Variants in TRAP1 observed in about 807,000 individuals in gnomAD.
The protein encoded by TRAP1 is heat shock protein 75 kDa, mitochondrial.
In TRAP1, 102 loss-of-function variants were observed where a neutral mutation model predicts 89.1. The observed-to-expected ratio is 1.15, with a 90% confidence interval of 0.98 to 1.35. The LOEUF is 1.35. Among genes scored for constraint, TRAP1 ranks in the 40% most tolerant of loss-of-function variants. TRAP1 has a pLI of 0.00. For missense variants in TRAP1, 1,256 were observed against 945.3 expected (o/e 1.33, Z -4.31); for synonymous variants, 508 against 388.0 (o/e 1.31, Z -3.64).
At chr16:3,670,817 G>A (rs769901882) in intron 11 of TRAP1, among the ~76,000 whole-genome samples, 34 of 152,118 alleles carry the variant, frequency 2.2e-4, no homozygotes, top group Non-Finnish European at 4.0e-4. Flanking sequence ...ATGTGACCTC[G>A]CAGGGCTGGG....
In TRAP1 at chr16:3,690,982, T is replaced by C. The variant is rs2151270306; in HGVS notation, c.92A>G (p.Lys31Arg). The C allele has an allele frequency of 6.7e-7, 1 of 1,494,216 alleles. No individual in the cohort carries two copies. The highest frequency in any genetic ancestry group is 8.9e-7 in the Non-Finnish European group (1 of 1,120,350). 92.6% of individuals were successfully genotyped at this position (1,494,216 alleles called of 1,614,324 possible). A position where few individuals can be genotyped will look rare whatever the true frequency, so the allele number is the denominator to read the frequency against. Reference protein sequence around the residue: ...APALAAVPGGKPILCPRRTTA... With the variant: ...APALAAVPGGRPILCPRRTTA... ...GGTCCTCCGAGGACACAGAATTGGT[T>C]TTCCTGAAAAGACAAATATGCAGAA... Residue 31 changes from lysine (K) to arginine (R), a missense_variant, in exon 2 of 18, where the codon AAA becomes AGA. Coordinates refer to ENST00000246957, the MANE Select transcript of TRAP1 (RefSeq NM_016292.3).
intron 1 of TRAP1, among the ~76,000 whole-genome samples, chr16:3,697,939 C>T (rs1028372947): frequency 6.6e-6 from 1 of 151,642 alleles, no homozygotes; most frequent in African/African-American, 2.4e-5. Flanking sequence ...CAGGTGTGCA[C>T]CACCATGCCC....
chr16:3,705,104 G>A (rs1036062808), intron 1 of TRAP1, among the ~76,000 whole-genome samples: 51 of 151,876 alleles, frequency 3.4e-4, no homozygotes, highest in African/African-American at 1.1e-3. Context: ...TCGCTCTGTC[G>A]CCCAGGCTGG....
intron 1 of TRAP1, among the ~76,000 whole-genome samples, chr16:3,701,613 C>T (rs537475580): frequency 4.7e-5 from 7 of 150,472 alleles, no homozygotes; most frequent in East Asian, 1.9e-4. Context: ...AAGATATGAA[C>T]GGCATTTCAC....
chr16:3,711,032 G>GAA (rs147569014), intron 1 of TRAP1, among the ~76,000 whole-genome samples: 89 of 133,884 alleles, frequency 6.6e-4, no homozygotes, highest in East Asian at 2.2e-3. Flanking sequence ...CAGCTAATTG[G>GAA]AAAAAAAAAA....
chr16:3,675,713 G>A (rs1387924940), intron 7 of TRAP1, among the ~76,000 whole-genome samples: 2 of 152,200 alleles, frequency 1.3e-5, no homozygotes, highest in African/African-American at 2.4e-5. Context: ...GTGTCCAGCA[G>A]GACACAAAGA....
At chr16:3,703,053 A>AGGG (rs2051390435) in intron 1 of TRAP1, among the ~76,000 whole-genome samples, 1 of 148,084 alleles carries the variant, frequency 6.8e-6, no homozygotes, top group South Asian at 2.1e-4. Context: ...GAAAAAAAAA[A>AGGG]AAAAAAAAAA....
At position 3,675,316 on chromosome 16, in the gene TRAP1, G is replaced by C. The variant is rs373967733; in HGVS notation, c.888+8C>G. Reference sequence around the variant, plus strand: ...TTTGACCAGTCCCTAGAGGAACTCAGGGCTCACCTGCAAGGTGTTCATCCG... The same window carrying C: ...TTTGACCAGTCCCTAGAGGAACTCACGGCTCACCTGCAAGGTGTTCATCCG... On this transcript the variant is annotated splice_region_variant and intron_variant, in intron 8 of 17. Coordinates refer to ENST00000246957, the MANE Select transcript of TRAP1 (RefSeq NM_016292.3). The C allele has an allele frequency of 4.0e-4, 646 of 1,613,868 alleles. 12 individuals are homozygous for C. In the South Asian group the frequency reaches 6.2e-3, roughly 16 times the overall value.
chr16:3,658,269 G>A (rs1306016649), intron 17 of TRAP1, 39 bp from the exon 18 acceptor site: 3 of 1,513,748 alleles, frequency 2.0e-6, no homozygotes, highest in Non-Finnish European at 2.7e-6. Flanking sequence ...GAGGGGCATG[G>A]GGCACCTTTT....
intron 15 of TRAP1, 200 bp from the exon 16 acceptor site, chr16:3,662,332 C>T: frequency 1.5e-6 from 1 of 674,944 alleles, no homozygotes. Flanking sequence ...AGATACTGTG[C>T]CCGAGGGGCT....
chr16:3,677,554 C>T lies in TRAP1; in HGVS notation c.648G>A (p.Glu216=). 1 of 1,614,206 alleles carries T rather than the reference C, an allele frequency of 6.2e-7. No individual in the cohort carries two copies. The highest frequency in any genetic ancestry group is 8.5e-7 in the Non-Finnish European group (1 of 1,180,040). ...YSAFMVADRV[E]VYSRSAAPGS... ...CCGGGGCTGCCGAGCGGGAATAGAC[C>T]TCCACTCTGTCAGCCACCATGAAAG... The change falls in exon 6 of 18, where the codon GAG becomes GAA. Residue 216 remains glutamate (E), a synonymous_variant. Transcript: ENST00000246957.
intron 5 of TRAP1, 125 bp downstream of exon 5, chr16:3,679,594 G>T (rs1332836808): frequency 1.1e-6 from 1 of 925,882 alleles, no homozygotes; most frequent in Non-Finnish European, 1.7e-6. Context: ...TGTTCCCACA[G>T]TACCCACTGC....
Position 3,659,213 on chromosome 16 carries a change from C to G in TRAP1, c.1941-348G>C, listed in dbSNP as rs1034558366. On this transcript the variant is annotated intron_variant, in intron 16 of 17. Transcript: ENST00000246957. ...ACATGTTGAAACATATTATAGGGCT[C>G]TAGTAAATAAAACAGTTTAGGTCTG... 2.5e-5 allele frequency: 5 copies of G among 204,032 alleles called. No individual in the cohort carries two copies. In the East Asian group the frequency reaches 6.7e-4, roughly 27 times the overall value. 12.6% of individuals were successfully genotyped at this position (204,032 alleles called of 1,614,324 possible). A position where few individuals can be genotyped will look rare whatever the true frequency, so the allele number is the denominator to read the frequency against.
chr16:3,716,661 T>C (rs555548564), intron 1 of TRAP1, among the ~76,000 whole-genome samples: 76 of 152,356 alleles, frequency 5.0e-4, no homozygotes, highest in Middle Eastern at 3.4e-3. Context: ...CAGACATTTA[T>C]ATTTACACGT....
intron 17 of TRAP1, 51 bp from the exon 18 acceptor site, chr16:3,658,281 ATT>A (rs35081909): frequency 0.01 from 12,329 of 1,186,812 alleles, no homozygotes; most frequent in East Asian, 0.014. Context: ...GCACCTTTTC[ATT>A]TTTTTTTTTT....
intron 5 of TRAP1, among the ~76,000 whole-genome samples, chr16:3,679,081 G>T (rs1236318557): frequency 6.6e-6 from 1 of 152,156 alleles, no homozygotes; most frequent in Non-Finnish European, 1.5e-5. Context: ...TCAGGAGGCT[G>T]AGGCTGGAGG....
At chr16:3,669,694 C>G (rs148181595) in intron 11 of TRAP1, among the ~76,000 whole-genome samples, 1,711 of 151,594 alleles carry the variant, frequency 0.011, 13 homozygotes, top group Non-Finnish European at 0.018. Context: ...ATTAGCTGGG[C>G]GTGGTGGTGG....
At position 3,674,357 on chromosome 16, in the gene TRAP1, G is replaced by T. The variant is rs143857142; in HGVS notation, c.1026C>A (p.Ile342=). 6 of 1,613,934 alleles carry T rather than the reference G, an allele frequency of 3.7e-6. No individual in the cohort carries two copies. The highest frequency in any genetic ancestry group is 1.3e-5 in the African/African-American group (1 of 74,944). ...GCCTCACCATGTCGGGCACGTAGAA[G>T]ATGCTGCGGATGTTGAGCGGTGCGT... is the stretch of plus-strand genomic sequence containing the variant. The part of the protein sequence containing the change: ...KTDAPLNIRS[I]FYVPDMKPSM... Residue 342 remains isoleucine (I), a synonymous_variant, in exon 9 of 18, where the codon ATC becomes ATA. Transcript: ENST00000246957.
chr16:3,716,007 C>T (rs141937388), intron 1 of TRAP1, among the ~76,000 whole-genome samples: 52 of 152,224 alleles, frequency 3.4e-4, no homozygotes, highest in African/African-American at 1.2e-3. Context: ...GGATTACAGG[C>T]GCGCGCCACC....
Sources: allele counts gnomAD v4.1 joint callset (sites outside exome capture counted in the v4.1 genomes callset), GRCh38; gene constraint gnomAD v4.1.1; transcripts MANE v1.5; gene names NCBI Gene and HGNC (gene_info 2026-07-23, HGNC 2026-07-21).